ARNT2: variants seen among roughly 807,000 people sequenced by gnomAD.
ARNT2 encodes the protein ARNT protein 2.
Under a neutral mutation model 91.7 loss-of-function variants are expected in ARNT2, and 36 were observed. The observed-to-expected ratio is 0.39, with a 90% CI of 0.30 to 0.52. ARNT2 has a LOEUF of 0.52. Ranked by LOEUF, ARNT2 falls within the 20% of genes least tolerant of loss-of-function variation. The pLI is 0.72. For synonymous variants in ARNT2, 365 were observed against 347.1 expected, an observed-to-expected ratio of 1.05 and a Z score of -0.57; for missense variants, 775 against 939.3, an observed-to-expected ratio of 0.83 and a Z score of 2.29.
At chr15:80,526,670 G>A (rs1897645125) in intron 8 of ARNT2, among the ~76,000 whole-genome samples, 1 of 152,214 alleles carries the variant, frequency 6.6e-6, no homozygotes, top group South Asian at 2.1e-4. Flanking sequence ...TTTCTTAGTG[G>A]TGAAATGATG....
chr15:80,459,918 T>A (rs944571406), intron 3 of ARNT2, among the ~76,000 whole-genome samples: 2 of 152,218 alleles, frequency 1.3e-5, no homozygotes, highest in African/African-American at 2.4e-5. Context: ...CATGGTTGCA[T>A]CTGAGCTTCT....
At chr15:80,570,102 A>AGCGGGCTGGG in intron 12 of ARNT2, among the ~76,000 whole-genome samples, 1 of 152,262 alleles carries the variant, frequency 6.6e-6, no homozygotes, top group African/African-American at 2.4e-5. Context: ...GGGCTGGGGC[A>AGCGGGCTGGG]GCAGCCTAGG....
In ARNT2 at chr15:80,470,211, T is replaced by C. The variant is rs112768005; in HGVS notation, c.195-7T>C. Reference sequence around the variant, plus strand: ...CCCCCTCTCCTGATCTCGTGCTTTCTGGAAAGAGAGAATCATAGTGAAATC... The same window carrying C: ...CCCCCTCTCCTGATCTCGTGCTTTCCGGAAAGAGAGAATCATAGTGAAATC... On this transcript the variant is annotated splice_polypyrimidine_tract_variant and splice_region_variant and intron_variant, in intron 3 of 18. Transcript: ENST00000303329. 1.1e-4 allele frequency: 185 copies of C among 1,613,162 alleles called. No homozygotes were observed. In the African/African-American group the frequency reaches 1.9e-3, roughly 17 times the overall value.
At chr15:80,583,723 A>G (rs1596025643) in intron 17 of ARNT2, among the ~76,000 whole-genome samples, 1 of 152,226 alleles carries the variant, frequency 6.6e-6, no homozygotes, top group South Asian at 2.1e-4. Context: ...CTAACTTACT[A>G]TAGCTGATAA....
Position 80,580,460 on chromosome 15 carries a change from T to A in ARNT2, c.1663T>A (p.Ser555Thr). Residue 555 changes from serine (S) to threonine (T), a missense_variant, in exon 16 of 19, where the codon TCC (serine) becomes ACC (threonine). Around this residue, in one of 5 missense-constraint regions of ARNT2, gnomAD observed 325 missense variants for 359.9 expected, o/e 0.90. Transcript: ENST00000303329. ...AGTGAATGATATTCAGTCCTCTTCTTCCACGGGCCAGAACATGTCCCAAAT... is the reference window on the plus strand; with the variant it reads ...AGTGAATGATATTCAGTCCTCTTCTACCACGGGCCAGAACATGTCCCAAAT... ...PGVNDIQSSS[S>T]TGQNMSQISR... 6.2e-7 allele frequency: 1 copy of A among 1,614,106 alleles called. No homozygotes were observed. Among genetic ancestry groups the A allele is most frequent in the Non-Finnish European group, 8.5e-7 (1 of 1,180,022 alleles).
chr15:80,536,667 C>G (rs1897828656), intron 8 of ARNT2, among the ~76,000 whole-genome samples: 1 of 152,190 alleles, frequency 6.6e-6, no homozygotes, highest in South Asian at 2.1e-4. Flanking sequence ...TCCTTACCCC[C>G]ACTATCTGCC....
chr15:80,548,815 C>T (rs781088884), intron 8 of ARNT2, among the ~76,000 whole-genome samples: 1 of 152,192 alleles, frequency 6.6e-6, no homozygotes, highest in African/African-American at 2.4e-5. Flanking sequence ...ATTGTAACTT[C>T]AGGAGATGTC....
At chr15:80,587,518 C>T (rs1422588563) in intron 17 of ARNT2, among the ~76,000 whole-genome samples, 1 of 152,118 alleles carries the variant, frequency 6.6e-6, no homozygotes, top group Non-Finnish European at 1.5e-5. Context: ...GGGCAATTTC[C>T]AAATCAGCTG....
chr15:80,559,838 T>C (rs1422583275), intron 11 of ARNT2, among the ~76,000 whole-genome samples: 1 of 152,226 alleles, frequency 6.6e-6, no homozygotes, highest in Non-Finnish European at 1.5e-5. Context: ...TAAGCCGGGT[T>C]TTACGCTTGG....
chr15:80,410,858 T>C (rs1033080173), intron 1 of ARNT2, among the ~76,000 whole-genome samples: 1 of 151,998 alleles, frequency 6.6e-6, no homozygotes, highest in Non-Finnish European at 1.5e-5. Flanking sequence ...TCTCTCTCTC[T>C]CTCTTTCTCT....
At chr15:80,420,304 A>G (rs560645832) in intron 1 of ARNT2, among the ~76,000 whole-genome samples, 19 of 152,284 alleles carry the variant, frequency 1.2e-4, no homozygotes, top group Admixed American at 3.9e-4. Context: ...CTGAATTTTG[A>G]TCTTTTCCTG....
intron 6 of ARNT2, among the ~76,000 whole-genome samples, chr15:80,509,566 C>T (rs886582901): frequency 2.0e-5 from 3 of 152,048 alleles, no homozygotes; most frequent in African/African-American, 4.8e-5. Context: ...ATATATGGAA[C>T]ATCAGATGGT....
At chr15:80,412,961 G>A (rs535633992) in intron 1 of ARNT2, among the ~76,000 whole-genome samples, 24 of 152,274 alleles carry the variant, frequency 1.6e-4, no homozygotes, top group South Asian at 1.2e-3. Flanking sequence ...GGCAGGTTCC[G>A]GCAACCCAGG....
At chr15:80,484,342 T>C (rs544254914) in intron 5 of ARNT2, among the ~76,000 whole-genome samples, 1 of 152,326 alleles carries the variant, frequency 6.6e-6, no homozygotes, top group African/African-American at 2.4e-5. Context: ...AGTAAACACT[T>C]AAAAACAAAG....
chr15:80,433,068 A>G (rs1168239302), intron 1 of ARNT2, among the ~76,000 whole-genome samples: 1 of 152,054 alleles, frequency 6.6e-6, no homozygotes, highest in East Asian at 1.9e-4. Context: ...GGATGAATAT[A>G]TTCATCAAGG....
intron 8 of ARNT2, among the ~76,000 whole-genome samples, chr15:80,528,224 C>T (rs1447059398): frequency 4.6e-5 from 7 of 151,992 alleles, no homozygotes; most frequent in East Asian, 3.9e-4. Context: ...CGGGTGGGGA[C>T]GCTGGGATCC....
chr15:80,551,073 G>A (rs767974578), intron 8 of ARNT2, 126 bp from the exon 9 acceptor site: 17 of 835,036 alleles, frequency 2.0e-5, no homozygotes, highest in Non-Finnish European at 3.1e-5. Context: ...TCATTGGCTG[G>A]CTTCCCAGCC....
intron 9 of ARNT2, 133 bp from the exon 10 acceptor site, chr15:80,552,507 T>G: frequency 1.7e-6 from 2 of 1,170,052 alleles, no homozygotes; most frequent in South Asian, 1.5e-5. Flanking sequence ...TTGAACACTT[T>G]AGGGTCATCG....
At chr15:80,408,104 G>A (rs990977021) in intron 1 of ARNT2, among the ~76,000 whole-genome samples, 5 of 152,160 alleles carry the variant, frequency 3.3e-5, no homozygotes, top group Admixed American at 6.5e-5. Context: ...CAGGTTTCTG[G>A]TCTTTGGCAT....
Sources: gnomAD v4.1 joint callset for allele counts (sites outside exome capture counted in the v4.1 genomes callset) on GRCh38, gnomAD v4.1.1 for gene constraint, gnomAD v4.1.1 regional missense constraint, MANE v1.5 for transcripts, NCBI Gene and HGNC (gene_info 2026-07-23, HGNC 2026-07-21) for gene names.